The following NAV2 variants were observed in gnomAD, a reference collection of about 807,000 sequenced individuals.
NAV2 encodes the protein helicase, APC down-regulated 1.
In NAV2, 54 loss-of-function variants were observed where a neutral mutation model predicts 223.2. The observed-to-expected ratio is 0.24, with a 90% CI of 0.19 to 0.30. NAV2 has a LOEUF of 0.30. Ranked by LOEUF, NAV2 falls within the 10% of genes least tolerant of loss-of-function variation. The pLI is 1.00. For synonymous variants in NAV2, 1,279 were observed against 1,239.3 expected (o/e 1.03, Z -0.67); for missense variants, 2,806 against 3,147.5 (o/e 0.89, Z 2.60).
intron 11 of NAV2, among the ~76,000 whole-genome samples, chr11:19,988,437 CA>C (rs67133572): frequency 0.7 from 105,922 of 151,756 alleles, 37,887 homozygotes; most frequent in Middle Eastern, 0.83. Context: ...CTTCTAAAGA[CA>C]AAAAAAACAA....
chr11:19,859,555 C>T (rs61877269), intron 3 of NAV2, among the ~76,000 whole-genome samples: 12,090 of 150,960 alleles, frequency 0.08, 530 homozygotes, highest in Admixed American at 0.12. Context: ...TACACAGACA[C>T]GGCAACCATC....
intron 3 of NAV2, among the ~76,000 whole-genome samples, chr11:19,856,926 T>C (rs2061438137): frequency 6.6e-6 from 1 of 152,190 alleles, no homozygotes; most frequent in African/African-American, 2.4e-5. Context: ...TGACTGTTCG[T>C]GAACAACCAG....
Position 20,045,376 on chromosome 11 carries a change from A to C in NAV2, c.3608A>C (p.Asn1203Thr), listed in dbSNP as rs778433806. Residue 1203 changes from asparagine (N) to threonine (T), a missense_variant, in exon 14 of 38, where the codon AAC (asparagine) becomes ACC (threonine). Asn to Thr is a moderately conservative substitution (Grantham distance 65). Transcript: ENST00000349880. ...LPRPSKSNSR[N>T]GAGNRSSTSS... ...AGGCCCAGTAAGTCCAACAGCCGGA[A>C]CGGGGCTGGGAACAGGTCTAGCACC... is the stretch of plus-strand genomic sequence containing the variant. 6.2e-6 allele frequency: 10 copies of C among 1,614,192 alleles called. No individual in the cohort carries two copies. The South Asian group carries it at 1.1e-4, about 18-fold the overall frequency.
intron 22 of NAV2, among the ~76,000 whole-genome samples, chr11:20,068,656 C>CA (rs1162470116): frequency 2.6e-5 from 4 of 152,158 alleles, no homozygotes; most frequent in Non-Finnish European, 5.9e-5. Flanking sequence ...TATTGGCCCA[C>CA]AGTCAATGCT....
At chr11:20,108,984 A>G (rs1446437302) in intron 36 of NAV2, among the ~76,000 whole-genome samples, 1 of 152,218 alleles carries the variant, frequency 6.6e-6, no homozygotes, top group Non-Finnish European at 1.5e-5. Flanking sequence ...GGTACTGGAC[A>G]GTGGGAGACA....
chr11:19,815,873 GCAGAGA>G (rs2059066847), intron 1 of NAV2, among the ~76,000 whole-genome samples: 1 of 152,208 alleles, frequency 6.6e-6, no homozygotes. Context: ...CAGACAGGAG[GCAGAGA>G]CAGCACTGTT....
At chr11:19,366,318 T>C (rs1848277649) in intron 1 of NAV2, among the ~76,000 whole-genome samples, 1 of 152,194 alleles carries the variant, frequency 6.6e-6, no homozygotes, top group African/African-American at 2.4e-5. Flanking sequence ...GGAGCCCTGC[T>C]AGGCCTGGAG....
chr11:19,622,090 T>A (rs1307385454), intron 1 of NAV2, among the ~76,000 whole-genome samples: 1 of 152,232 alleles, frequency 6.6e-6, no homozygotes, highest in Non-Finnish European at 1.5e-5. Context: ...TAATCATGAG[T>A]TCTAGTTTGA....
chr11:19,359,802 C>T (rs1853827062), intron 1 of NAV2, among the ~76,000 whole-genome samples: 1 of 152,194 alleles, frequency 6.6e-6, no homozygotes, highest in Admixed American at 6.5e-5. Flanking sequence ...GCTCAAGATG[C>T]TGCCATGCGT....
intron 36 of NAV2, 144 bp downstream of exon 36, chr11:20,107,926 T>C (rs1324934683): frequency 6.1e-6 from 4 of 659,278 alleles, no homozygotes; most frequent in Non-Finnish European, 8.0e-6. Context: ...TGTAGTCCAG[T>C]GTAGGGACAC....
chr11:19,941,758 C>G (rs1447293140), intron 8 of NAV2, among the ~76,000 whole-genome samples: 1 of 152,092 alleles, frequency 6.6e-6, no homozygotes, highest in Non-Finnish European at 1.5e-5. Flanking sequence ...ATTTCTTGGA[C>G]AAAATGTTGT....
chr11:19,961,938 A>T (rs2048376927), intron 10 of NAV2, among the ~76,000 whole-genome samples: 1 of 151,994 alleles, frequency 6.6e-6, no homozygotes, highest in Non-Finnish European at 1.5e-5. Context: ...CTCCAGAGAA[A>T]CGAAACCAAT....
At chr11:20,078,555 T>A (rs1029384477) in intron 24 of NAV2, among the ~76,000 whole-genome samples, 2 of 152,078 alleles carry the variant, frequency 1.3e-5, no homozygotes, top group Admixed American at 6.5e-5. Flanking sequence ...ACTTCCCGGG[T>A]TCAAGTGATT....
intron 1 of NAV2, among the ~76,000 whole-genome samples, chr11:19,382,620 A>T (rs542628689): frequency 6.6e-6 from 1 of 152,316 alleles, no homozygotes; most frequent in Non-Finnish European, 1.5e-5. Context: ...AATGACTGAA[A>T]ATCACAATGC....
At chr11:19,530,238 G>A (rs907828738) in intron 1 of NAV2, among the ~76,000 whole-genome samples, 5 of 152,220 alleles carry the variant, frequency 3.3e-5, no homozygotes, top group African/African-American at 4.8e-5. Context: ...GGAGGTAGCT[G>A]TAGTTACAGG....
chr11:19,725,851 G>T (rs2051190124), intron 1 of NAV2, among the ~76,000 whole-genome samples: 1 of 152,242 alleles, frequency 6.6e-6, no homozygotes, highest in African/African-American at 2.4e-5. Context: ...AATTCAGTCA[G>T]AAATTTGTCA....
chr11:20,054,080 G>A lies in NAV2; in HGVS notation c.4482G>A (p.Arg1494=), dbSNP rs557624962. The change falls in exon 18 of 38, where the codon AGG becomes AGA. Residue 1494 remains arginine, a splice_region_variant and synonymous_variant. Coordinates refer to ENST00000349880, the MANE Select transcript of NAV2 (RefSeq NM_145117.5). ...TCCGGCTTGATTTCTGTCTGTCCAG[G>A]TATACTCCCACCTCCCAGCTTCGCA... The part of the protein sequence containing the change: ...DRNTLPKKGL[R]YTPTSQLRTQ... The A allele has an allele frequency of 5.0e-6, 8 of 1,612,608 alleles. No homozygotes were observed. Among genetic ancestry groups the A allele is most frequent in the South Asian group, 1.1e-5 (1 of 90,810 alleles).
At chr11:19,378,964 C>T (rs138361832) in intron 1 of NAV2, among the ~76,000 whole-genome samples, 78 of 152,294 alleles carry the variant, frequency 5.1e-4, no homozygotes, top group African/African-American at 1.7e-3. Flanking sequence ...TGAGTTCAAG[C>T]CCTGGCTTCG....
rs564183112 is a variant in NAV2 at position 20,120,236 on chromosome 11, A to G, written c.*1978A>G. On this transcript the variant is annotated 3_prime_UTR_variant, in exon 38 of 38. Transcript: ENST00000349880. Reference sequence around the variant, plus strand: ...ACCATGTTCTTCCTCTTTGAAAAGAAAAGGGGAATGTGTCCCACTAGTGAA... The same window carrying G: ...ACCATGTTCTTCCTCTTTGAAAAGAGAAGGGGAATGTGTCCCACTAGTGAA... 1.3e-5 allele frequency: 2 copies of G among 152,248 alleles called. No homozygotes were observed. Among genetic ancestry groups the G allele is most frequent in the Non-Finnish European group, 2.9e-5 (2 of 68,054 alleles). 9.4% of individuals were successfully genotyped at this position (152,248 alleles called of 1,614,324 possible).
Sources: gnomAD v4.1 joint callset for allele counts (sites outside exome capture counted in the v4.1 genomes callset) on GRCh38, gnomAD v4.1.1 for gene constraint, MANE v1.5 for transcripts, NCBI Gene and HGNC (gene_info 2026-07-23, HGNC 2026-07-21) for gene names.